PLCE1: variants seen among roughly 807,000 people sequenced by gnomAD.
PLCE1 encodes 1-phosphatidylinositol 4,5-bisphosphate phosphodiesterase epsilon-1.
In PLCE1, 119 loss-of-function variants were observed where a neutral mutation model predicts 242.8. That is an observed-to-expected ratio of 0.49 (90% CI 0.42 to 0.57). The LOEUF (loss-of-function observed/expected upper bound fraction) is 0.57, where lower values mean the gene tolerates loss of function less well. PLCE1 is among the 20% of genes least tolerant of loss of function. The pLI is 0.00. For missense variants in PLCE1, 2,441 were observed against 2,788.8 expected, an observed-to-expected ratio of 0.88 and a Z score of 2.81; for synonymous variants, 945 against 1,017.4, an observed-to-expected ratio of 0.93 and a Z score of 1.35.
At chr10:94,250,245 T>C (rs554920335) in intron 8 of PLCE1, among the ~76,000 whole-genome samples, 14 of 152,020 alleles carry the variant, frequency 9.2e-5, no homozygotes, top group African/African-American at 3.4e-4. Flanking sequence ...CTCAGAGCTG[T>C]AATCCCAGCA....
chr10:94,110,877 G>C (rs2045933752), intron 2 of PLCE1, among the ~76,000 whole-genome samples: 1 of 152,222 alleles, frequency 6.6e-6, no homozygotes, highest in South Asian at 2.1e-4. Context: ...ACCTCAGCTA[G>C]TTGTGGGAGC....
At chr10:94,321,355 G>A (rs538002506) in intron 29 of PLCE1, among the ~76,000 whole-genome samples, 5 of 152,186 alleles carry the variant, frequency 3.3e-5, no homozygotes, top group Non-Finnish European at 7.3e-5. Flanking sequence ...ACAGCTAGGC[G>A]GGGCACAGTG....
intron 18 of PLCE1, among the ~76,000 whole-genome samples, chr10:94,271,967 A>G (rs1339906037): frequency 6.6e-6 from 1 of 152,218 alleles, no homozygotes; most frequent in African/African-American, 2.4e-5. Context: ...GCTTCAAGGG[A>G]CAAAAGGCAG....
chr10:94,143,958 A>T (rs2047043305), intron 3 of PLCE1, among the ~76,000 whole-genome samples: 1 of 152,248 alleles, frequency 6.6e-6, no homozygotes, highest in Non-Finnish European at 1.5e-5. Flanking sequence ...GTGTGACAGT[A>T]GCGGGTATTT....
intron 7 of PLCE1, among the ~76,000 whole-genome samples, chr10:94,243,144 A>G (rs1294363454): frequency 6.6e-6 from 1 of 152,210 alleles, no homozygotes; most frequent in East Asian, 1.9e-4. Flanking sequence ...GGTGATCAGT[A>G]TCACCAGAGA....
rs1187081547 is a variant in PLCE1 at position 94,306,723 on chromosome 10, G to T, written c.5884+35G>T. The T allele has an allele frequency of 2.6e-6, 4 of 1,514,204 alleles. No individual in the cohort carries two copies. Among genetic ancestry groups the T allele is most frequent in the Non-Finnish European group, 1.8e-6 (2 of 1,098,590 alleles). The allele number at this position is 1,514,204 out of a possible 1,614,324, so 93.8% of individuals were successfully genotyped here. On this transcript the variant is annotated intron_variant, in intron 26 of 32. Coordinates refer to ENST00000371380, the MANE Select transcript of PLCE1 (RefSeq NM_016341.4). This position sits in a 1 kb window ranked among gnomAD's most constrained non-coding sequence, Gnocchi z 5.7. ...AATTGTCCAAATGTTAATAATTGTT[G>T]TAGCTAGGTGATGGATGCCAGAATT...
chr10:94,293,608 G>A lies in PLCE1; in HGVS notation c.5136G>A (p.Glu1712=). The change falls in exon 23 of 33, where the codon GAG becomes GAA. Residue 1712 remains glutamate (E), a synonymous_variant. Transcript: ENST00000371380. ...ATCCGGGCAGAATGAGCCCAGGGGAGACAGCATCATTTAACAAAACATCTG... is the reference window on the plus strand; with the variant it reads ...ATCCGGGCAGAATGAGCCCAGGGGAAACAGCATCATTTAACAAAACATCTG... ...GNNPGRMSPG[E]TASFNKTSGK... is the part of the protein sequence containing the mutation. The A allele has an allele frequency of 6.2e-7, 1 of 1,613,916 alleles. No individual in the cohort carries two copies. The highest frequency in any genetic ancestry group is 1.3e-5 in the African/African-American group (1 of 75,048).
intron 2 of PLCE1, among the ~76,000 whole-genome samples, chr10:94,076,504 T>A (rs2044506584): frequency 6.6e-6 from 1 of 152,196 alleles, no homozygotes; most frequent in South Asian, 2.1e-4. Flanking sequence ...CCGCCTTTTC[T>A]GAGCTGTGCA....
intron 4 of PLCE1, among the ~76,000 whole-genome samples, chr10:94,201,984 A>T (rs779715613): frequency 6.6e-6 from 1 of 152,232 alleles, no homozygotes; most frequent in South Asian, 2.1e-4. Context: ...CATTCAAAAT[A>T]TGAGGCACAA....
chr10:94,242,681 G>A (rs938329238), intron 7 of PLCE1, among the ~76,000 whole-genome samples: 1 of 152,114 alleles, frequency 6.6e-6, no homozygotes, highest in African/African-American at 2.4e-5. Flanking sequence ...CTGATTCGAG[G>A]ACTGGGGCAG....
chr10:94,047,534 G>T (rs565297232), intron 2 of PLCE1, among the ~76,000 whole-genome samples: 35 of 152,242 alleles, frequency 2.3e-4, no homozygotes, highest in African/African-American at 7.9e-4. Flanking sequence ...GCTCTCAATA[G>T]AATTGAAATT....
intron 4 of PLCE1, among the ~76,000 whole-genome samples, chr10:94,172,201 G>A (rs1235912055): frequency 6.6e-6 from 1 of 152,206 alleles, no homozygotes; most frequent in Non-Finnish European, 1.5e-5. Context: ...CCCTGGGATA[G>A]GGAGGAGCGT....
intron 19 of PLCE1, among the ~76,000 whole-genome samples, chr10:94,278,098 C>T (rs551359439): frequency 1.8e-4 from 28 of 152,088 alleles, no homozygotes; most frequent in Non-Finnish European, 3.8e-4. Context: ...TGGACACAGC[C>T]TAAATTGTAT....
rs1258238662 is a variant in PLCE1 at position 94,254,970 on chromosome 10, AACT to A, written c.3476_3478del (p.Asn1159_Leu1160delinsMet). On this transcript the variant is annotated inframe_deletion, in exon 11 of 33. Coordinates refer to ENST00000371380, the MANE Select transcript of PLCE1 (RefSeq NM_016341.4). ...CTCTTTGACCACAGCTGGGTCCCCCAACTTGGCTGCCGGGACGTCATCTCCCAT... is the reference window on the plus strand; with the variant it reads ...CTCTTTGACCACAGCTGGGTCCCCCATGGCTGCCGGGACGTCATCTCCCAT... 1 of 1,614,082 alleles carries A rather than the reference AACT, an allele frequency of 6.2e-7. No homozygotes were observed. The highest frequency in any genetic ancestry group is 1.1e-5 in the South Asian group (1 of 91,074).
At chr10:94,109,518 G>A (rs1590043968) in intron 2 of PLCE1, among the ~76,000 whole-genome samples, 1 of 152,314 alleles carries the variant, frequency 6.6e-6, no homozygotes, top group East Asian at 1.9e-4. Context: ...TGAGGCAGGA[G>A]AATCGCTTGA....
intron 2 of PLCE1, among the ~76,000 whole-genome samples, chr10:94,060,124 A>T (rs1276329021): frequency 6.6e-6 from 1 of 150,418 alleles, no homozygotes; most frequent in Admixed American, 6.6e-5. Context: ...GTGATGTGAG[A>T]GGCAGTGTGG....
At chr10:94,311,876 G>A (rs1029987834) in intron 27 of PLCE1, among the ~76,000 whole-genome samples, 3 of 152,112 alleles carry the variant, frequency 2.0e-5, no homozygotes, top group Non-Finnish European at 2.9e-5. Context: ...CACATGCCAG[G>A]AGGATCCCAA....
chr10:94,174,305 CACTT>C (rs1192245594), intron 4 of PLCE1, among the ~76,000 whole-genome samples: 1 of 152,052 alleles, frequency 6.6e-6, no homozygotes, highest in Non-Finnish European at 1.5e-5. Context: ...GTAGGGACAG[CACTT>C]ACTTATAGAA....
chr10:94,285,748 A>G (rs1297296662), intron 22 of PLCE1, among the ~76,000 whole-genome samples: 4 of 152,140 alleles, frequency 2.6e-5, no homozygotes, highest in Non-Finnish European at 4.4e-5. Context: ...CCCATGTCAC[A>G]TTCTCCACTC....
Sources: gnomAD v4.1 joint callset for allele counts (sites outside exome capture counted in the v4.1 genomes callset) on GRCh38, gnomAD v4.1.1 for gene constraint, Gnocchi (gnomAD v3.1) non-coding constraint, MANE v1.5 for transcripts, NCBI Gene and HGNC (gene_info 2026-07-23, HGNC 2026-07-21) for gene names.